The following SPOCK1 variants were observed in gnomAD, a reference collection of about 807,000 sequenced individuals.
SPOCK1 encodes SPARC (osteonectin), cwcv and kazal like domains proteoglycan 1, also known as testican-1.
SPOCK1 carries 23 observed loss-of-function variants against 55.3 expected under a neutral mutation model. That is an observed-to-expected ratio of 0.42 (90% confidence interval 0.30 to 0.59). SPOCK1 has a LOEUF of 0.59. SPOCK1 is among the 20% of genes least tolerant of loss of function. The pLI, the probability that SPOCK1 is intolerant of heterozygous loss-of-function variation, is 0.22. For synonymous variants in SPOCK1, 226 were observed against 221.0 expected (o/e 1.02, Z -0.20); for missense variants, 499 against 552.5 (o/e 0.90, Z 0.97).
chr5:136,978,187 G>T lies in SPOCK1; in HGVS notation c.*467C>A, dbSNP rs1580689654. The stretch of plus-strand genomic sequence containing the variant: ...GGGCAGGGGGAAAAAGTACAGTGTG[G>T]TGTATTTTTTGTTTTTTTCTTTTTC... On this transcript the variant is annotated 3_prime_UTR_variant, in exon 11 of 11. Transcript: ENST00000394945. 2.8e-6 allele frequency: 1 copy of T among 363,178 alleles called. No individual in the cohort carries two copies. The highest frequency in any genetic ancestry group is 4.9e-6 in the Non-Finnish European group (1 of 204,634). 22.5% of individuals were successfully genotyped at this position (363,178 alleles called of 1,614,324 possible).
chr5:137,126,448 T>C (rs1281398187), intron 4 of SPOCK1, among the ~76,000 whole-genome samples: 2 of 152,154 alleles, frequency 1.3e-5, no homozygotes, highest in African/African-American at 4.8e-5. Context: ...GACTCAGACA[T>C]AAATGAGGAA....
intron 6 of SPOCK1, among the ~76,000 whole-genome samples, chr5:137,033,690 C>G (rs538264704): frequency 6.6e-6 from 1 of 152,356 alleles, no homozygotes; most frequent in African/African-American, 2.4e-5. Flanking sequence ...CAAATGAGGT[C>G]AACTTCAACC....
intron 2 of SPOCK1, among the ~76,000 whole-genome samples, chr5:137,357,725 G>A (rs1229237993): frequency 6.6e-6 from 1 of 152,170 alleles, no homozygotes; most frequent in Non-Finnish European, 1.5e-5. Context: ...TTCCTTTAAA[G>A]AGATCAGTGT....
At chr5:137,028,377 G>T (rs112202565) in intron 6 of SPOCK1, among the ~76,000 whole-genome samples, 3 of 152,290 alleles carry the variant, frequency 2.0e-5, no homozygotes, top group African/African-American at 7.2e-5. Context: ...GGCAGAGAAG[G>T]TTCACTGGAA....
At chr5:137,281,396 G>C (rs879941561) in intron 2 of SPOCK1, among the ~76,000 whole-genome samples, 3 of 152,228 alleles carry the variant, frequency 2.0e-5, no homozygotes, top group Non-Finnish European at 2.9e-5. Flanking sequence ...CTAAAGTCCA[G>C]GAATGTTTCC....
intron 6 of SPOCK1, among the ~76,000 whole-genome samples, chr5:137,015,945 A>G (rs1751440588): frequency 6.6e-6 from 1 of 152,206 alleles, no homozygotes; most frequent in Non-Finnish European, 1.5e-5. Flanking sequence ...GCCAGCGTAG[A>G]GAAGTGTGGA....
At chr5:137,331,937 T>C (rs977263775) in intron 2 of SPOCK1, among the ~76,000 whole-genome samples, 1 of 152,216 alleles carries the variant, frequency 6.6e-6, no homozygotes, top group African/African-American at 2.4e-5. Context: ...TGATTTCATC[T>C]GACTTGTTGA....
intron 5 of SPOCK1, among the ~76,000 whole-genome samples, chr5:137,107,843 A>G (rs1373811756): frequency 6.6e-6 from 1 of 152,148 alleles, no homozygotes; most frequent in African/African-American, 2.4e-5. Context: ...CAGCCATGGA[A>G]CCCATCTTGA....
intron 2 of SPOCK1, among the ~76,000 whole-genome samples, chr5:137,456,923 C>T (rs940437581): frequency 7.2e-5 from 11 of 152,236 alleles, no homozygotes; most frequent in Admixed American, 5.2e-4. Context: ...TACTATACCT[C>T]TGCTAGTGGG....
At chr5:137,332,423 C>T (rs945445070) in intron 2 of SPOCK1, among the ~76,000 whole-genome samples, 9 of 152,286 alleles carry the variant, frequency 5.9e-5, no homozygotes, top group Admixed American at 2.6e-4. Flanking sequence ...CCACCATCTG[C>T]GCTCTGCACC....
intron 5 of SPOCK1, among the ~76,000 whole-genome samples, chr5:137,104,178 C>T (rs1404400775): frequency 6.6e-6 from 1 of 152,186 alleles, no homozygotes; most frequent in Admixed American, 6.5e-5. Context: ...GGCTGATCCC[C>T]ACTTTGGTGC....
intron 2 of SPOCK1, among the ~76,000 whole-genome samples, chr5:137,352,129 T>G (rs1264239322): frequency 6.6e-6 from 1 of 152,218 alleles, no homozygotes; most frequent in Non-Finnish European, 1.5e-5. Flanking sequence ...AAATCCAGAC[T>G]TGCCAGCCTG....
chr5:137,026,232 A>C (rs1310474303), intron 6 of SPOCK1, among the ~76,000 whole-genome samples: 1 of 152,234 alleles, frequency 6.6e-6, no homozygotes, highest in African/African-American at 2.4e-5. Flanking sequence ...TAAAACAAGA[A>C]TACCAGAGCA....
At chr5:137,345,335 C>CTGT (rs1750533526) in intron 2 of SPOCK1, among the ~76,000 whole-genome samples, 1 of 152,196 alleles carries the variant, frequency 6.6e-6, no homozygotes, top group African/African-American at 2.4e-5. Flanking sequence ...TTCAGAATCC[C>CTGT]TTCCCTGATG....
chr5:137,389,473 G>T (rs1238367203), intron 2 of SPOCK1, among the ~76,000 whole-genome samples: 1 of 152,254 alleles, frequency 6.6e-6, no homozygotes, highest in African/African-American at 2.4e-5. Flanking sequence ...AGGGACCCCT[G>T]ACTTTGTGGA....
chr5:137,142,065 C>T (rs899584255), intron 3 of SPOCK1, among the ~76,000 whole-genome samples: 2 of 152,172 alleles, frequency 1.3e-5, no homozygotes, highest in Non-Finnish European at 2.9e-5. Context: ...GGCCTAAAGC[C>T]TATTAAGCAG....
chr5:137,442,537 G>GC (rs1753037212), intron 2 of SPOCK1, among the ~76,000 whole-genome samples: 1 of 152,208 alleles, frequency 6.6e-6, no homozygotes, highest in Admixed American at 6.5e-5. Context: ...CAACACTGAA[G>GC]CCCACTACCT....
intron 3 of SPOCK1, among the ~76,000 whole-genome samples, chr5:137,199,487 G>A (rs1470541040): frequency 6.6e-6 from 1 of 152,116 alleles, no homozygotes; most frequent in Non-Finnish European, 1.5e-5. Flanking sequence ...TCACCTCTCT[G>A]TGGCCGCTAC....
intron 3 of SPOCK1, among the ~76,000 whole-genome samples, chr5:137,185,945 G>A (rs569581480): frequency 3.3e-5 from 5 of 152,202 alleles, no homozygotes; most frequent in South Asian, 2.1e-4. Context: ...CATGAGAAAC[G>A]AAGTCTTCTA....
Sources: gnomAD v4.1 joint callset for allele counts (sites outside exome capture counted in the v4.1 genomes callset) on GRCh38, gnomAD v4.1.1 for gene constraint, MANE v1.5 for transcripts, NCBI Gene and HGNC (gene_info 2026-07-23, HGNC 2026-07-21) for gene names.